The following COL24A1 variants were observed in gnomAD, a reference collection of about 807,000 sequenced individuals.
COL24A1 encodes the protein collagen alpha-1(XXIV) chain.
A neutral mutation model predicts 253.9 loss-of-function variants in COL24A1; 224 were observed. The ratio of observed to expected loss-of-function variants is 0.88; its 90% CI spans 0.79 to 0.99. The LOEUF (loss-of-function observed/expected upper bound fraction) is 0.99, where lower values mean the gene tolerates loss of function less well. Ranked by LOEUF, COL24A1 falls within the 50% of genes least tolerant of loss-of-function variation. The probability of loss-of-function intolerance (pLI) is 0.00; values close to 1 mark genes in which losing one functional copy is unlikely to be tolerated. For missense variants in COL24A1, 2,131 were observed against 2,068.5 expected (o/e 1.03, Z -0.59); for synonymous variants, 685 against 673.7 (o/e 1.02, Z -0.26).
At chr1:85,836,154 G>A (rs1675980133) in intron 43 of COL24A1, among the ~76,000 whole-genome samples, 1 of 152,120 alleles carries the variant, frequency 6.6e-6, no homozygotes, top group African/African-American at 2.4e-5. Context: ...AAGTATTCAG[G>A]TTTAACTGTT....
At chr1:86,052,887 A>G (rs1381355432) in intron 10 of COL24A1, among the ~76,000 whole-genome samples, 1 of 152,030 alleles carries the variant, frequency 6.6e-6, no homozygotes, top group Non-Finnish European at 1.5e-5. Flanking sequence ...GCCACCATCC[A>G]TCTTGAAAAC....
chr1:86,134,832 T>G (rs1649954516), intron 2 of COL24A1, among the ~76,000 whole-genome samples: 1 of 107,644 alleles, frequency 9.3e-6, no homozygotes, highest in Non-Finnish European at 1.9e-5. Context: ...TCTGTTGATT[T>G]GGGGTGGAGA....
At chr1:86,024,976 T>C (rs535909023) in intron 14 of COL24A1, among the ~76,000 whole-genome samples, 2 of 150,038 alleles carry the variant, frequency 1.3e-5, no homozygotes, top group South Asian at 4.3e-4. Context: ...TCAGTGACTC[T>C]ACATGAAAAA....
At chr1:86,035,558 A>G (rs886604040) in intron 12 of COL24A1, among the ~76,000 whole-genome samples, 4 of 152,112 alleles carry the variant, frequency 2.6e-5, no homozygotes, top group African/African-American at 9.7e-5. Flanking sequence ...GTGGTTGCCT[A>G]CGGCTGGTGA....
rs568652076 is a variant in COL24A1 at position 85,830,106 on chromosome 1, G to A, written c.3682-6368C>T. ...TGATGTACAGATGGGTTTTCGGTGT[G>A]GATGTCCTTTCTGTTTGTTAGTTTT... On this transcript the variant is annotated intron_variant, in intron 43 of 59. Coordinates refer to ENST00000370571, the MANE Select transcript of COL24A1 (RefSeq NM_152890.7). 3.2e-3 allele frequency among the ~76,000 whole-genome samples: 491 copies of A among 152,100 alleles called. 7 individuals carry two copies. The highest frequency in any genetic ancestry group is 0.01 in the Middle Eastern group (3 of 294).
chr1:85,868,801 TG>T lies in COL24A1; in HGVS notation c.3172del (p.Gln1058ArgfsTer6). 2 of 1,588,804 alleles carry T rather than the reference TG, an allele frequency of 1.3e-6. No homozygotes were observed. The highest frequency in any genetic ancestry group is 1.7e-6 in the Non-Finnish European group (2 of 1,168,458). On this transcript the variant is annotated frameshift_variant, in exon 36 of 60. Transcript: ENST00000370571. LOFTEE classifies it high-confidence loss of function. ...ATTTACCTTTAACCCATCTTTTCCC[TG>T]GAGACCTTCTTCTCCAGGAGCTCCT... ...EPGAPGEEGL[Q>X]GKDGLKGVPG...
chr1:85,768,262 G>A (rs1667578441), intron 53 of COL24A1, among the ~76,000 whole-genome samples: 1 of 152,124 alleles, frequency 6.6e-6, no homozygotes, highest in African/African-American at 2.4e-5. Context: ...AGTTCATGTA[G>A]GGCCTTGTAA....
rs963415253 is a variant in COL24A1 at position 86,107,304 on chromosome 1, A to G, written c.1599+5263T>C. Among the ~76,000 whole-genome samples the G allele has an allele frequency of 1.4e-4, 22 of 152,330 alleles. No homozygotes were observed. In the East Asian group the frequency reaches 2.7e-3, roughly 19 times the overall value. ...AGAAGGTAATAAAGCCTGCTCTCAT[A>G]GTACTTATGATTGGGATAAAACTAA... On this transcript the variant is annotated intron_variant, in intron 5 of 59. Transcript: ENST00000370571.
At chr1:85,826,441 GT>G (rs1436583096) in intron 43 of COL24A1, among the ~76,000 whole-genome samples, 3 of 101,420 alleles carry the variant, frequency 3.0e-5, no homozygotes, top group African/African-American at 1.1e-4. Context: ...CTTTAAAGTA[GT>G]TTTTTCCAAT....
intron 24 of COL24A1, among the ~76,000 whole-genome samples, chr1:85,950,459 A>G (rs906031595): frequency 6.6e-6 from 1 of 152,188 alleles, no homozygotes; most frequent in African/African-American, 2.4e-5. Context: ...CCAATTACAG[A>G]AAATACTAAG....
chr1:85,771,744 C>T (rs1667979831), intron 53 of COL24A1, among the ~76,000 whole-genome samples: 1 of 151,336 alleles, frequency 6.6e-6, no homozygotes, highest in South Asian at 2.1e-4. Flanking sequence ...CCTATTTCTC[C>T]ACAACCTCTC....
At chr1:85,746,814 C>A (rs569262450) in intron 55 of COL24A1, among the ~76,000 whole-genome samples, 201 of 152,206 alleles carry the variant, frequency 1.3e-3, no homozygotes, top group African/African-American at 4.7e-3. Flanking sequence ...CTAAAATATT[C>A]TCTGCAGATT....
intron 55 of COL24A1, among the ~76,000 whole-genome samples, chr1:85,759,675 T>C (rs1666640925): frequency 6.6e-6 from 1 of 152,240 alleles, no homozygotes; most frequent in African/African-American, 2.4e-5. Context: ...CGTATTTTCT[T>C]ACTTAATCTT....
intron 12 of COL24A1, among the ~76,000 whole-genome samples, chr1:86,040,114 C>T (rs772895591): frequency 9.9e-5 from 15 of 152,186 alleles, no homozygotes; most frequent in Non-Finnish European, 2.1e-4. Context: ...CACGTTGTGT[C>T]CTTTTTCTTG....
chr1:85,809,863 G>C lies in COL24A1; in HGVS notation c.3951+6925C>G, dbSNP rs190954442. 6.0e-4 allele frequency among the ~76,000 whole-genome samples: 90 copies of C among 150,048 alleles called. No individual in the cohort carries two copies. In the East Asian group the frequency reaches 0.012, roughly 19 times the overall value. Reference sequence around the variant, plus strand: ...TTAGGTATGCATTTCAGTGGCATTAGTACATTTACATTATTGTACAACTGT... The same window carrying C: ...TTAGGTATGCATTTCAGTGGCATTACTACATTTACATTATTGTACAACTGT... On this transcript the variant is annotated intron_variant, in intron 47 of 59. Coordinates refer to ENST00000370571, the MANE Select transcript of COL24A1 (RefSeq NM_152890.7).
chr1:85,828,622 A>G (rs1025171473), intron 43 of COL24A1, among the ~76,000 whole-genome samples: 40 of 147,568 alleles, frequency 2.7e-4, no homozygotes, highest in Non-Finnish European at 3.4e-4. Context: ...TTGGGTGCAT[A>G]TATATTTAGG....
chr1:85,935,800 C>T lies in COL24A1; in HGVS notation c.2563-24367G>A, dbSNP rs186177017. ...TGCCTGGGATACATAAGATAACATA[C>T]GTAGAATGAATGAGTGAACAACTTA... is the stretch of plus-strand genomic sequence containing the variant. On this transcript the variant is annotated intron_variant, in intron 24 of 59. Transcript: ENST00000370571. 6.7e-4 allele frequency among the ~76,000 whole-genome samples: 99 copies of T among 147,364 alleles called. 16 individuals carry two copies. Among genetic ancestry groups the T allele is most frequent in the South Asian group, 2.7e-3 (11 of 4,052 alleles).
chr1:86,102,727 T>G (rs1477208173), intron 5 of COL24A1, among the ~76,000 whole-genome samples: 1 of 152,166 alleles, frequency 6.6e-6, no homozygotes, highest in Admixed American at 6.5e-5. Flanking sequence ...AATTTTACTT[T>G]GCTGTAGTCC....
chr1:85,948,187 C>T (rs1689510320), intron 24 of COL24A1, among the ~76,000 whole-genome samples: 1 of 152,086 alleles, frequency 6.6e-6, no homozygotes, highest in Non-Finnish European at 1.5e-5. Context: ...TACCCTTATC[C>T]TCTTTAGTAA....
Sources: gnomAD v4.1 joint callset for allele counts (sites outside exome capture counted in the v4.1 genomes callset) on GRCh38, gnomAD v4.1.1 for gene constraint, MANE v1.5 for transcripts, NCBI Gene and HGNC (gene_info 2026-07-23, HGNC 2026-07-21) for gene names.